Variants in SCN11A observed in about 807,000 individuals in gnomAD.
The protein encoded by SCN11A is sodium channel protein type 11 subunit alpha.
SCN11A carries 122 observed loss-of-function variants against 162.2 expected under a neutral mutation model. The ratio of observed to expected loss-of-function variants is 0.75; its 90% CI spans 0.65 to 0.87. The LOEUF (loss-of-function observed/expected upper bound fraction) is 0.87. SCN11A is among the 40% of genes least tolerant of loss of function. SCN11A has a pLI of 0.00. For missense variants in SCN11A, 2,015 were observed against 2,181.6 expected (o/e 0.92, Z 1.52); for synonymous variants, 758 against 751.5 (o/e 1.01, Z -0.14).
chr3:38,907,235 G>A (rs2065806617), intron 14 of SCN11A, among the ~76,000 whole-genome samples: 1 of 150,814 alleles, frequency 6.6e-6, no homozygotes, highest in African/African-American at 2.4e-5. Flanking sequence ...GAAATTAGAG[G>A]GAAATTATTG....
intron 2 of SCN11A, among the ~76,000 whole-genome samples, chr3:38,961,093 G>A (rs1329413277): frequency 6.6e-6 from 1 of 152,160 alleles, no homozygotes; most frequent in East Asian, 1.9e-4. Context: ...AGTCAGCTGA[G>A]ATAAAGGGTA....
chr3:38,998,565 C>T (rs2030712971), intron 2 of SCN11A, among the ~76,000 whole-genome samples: 1 of 151,968 alleles, frequency 6.6e-6, no homozygotes. Flanking sequence ...GGGTATATAC[C>T]CAAAGGATTA....
chr3:38,872,409 C>G, intron 23 of SCN11A, 115 bp from the exon 24 acceptor site: 1 of 625,944 alleles, frequency 1.6e-6, no homozygotes, highest in South Asian at 1.9e-5. Flanking sequence ...AATGCACTCA[C>G]GTTATTTGTT....
At chr3:38,900,852 T>C (rs2065688231) in intron 16 of SCN11A, among the ~76,000 whole-genome samples, 2 of 152,182 alleles carry the variant, frequency 1.3e-5, no homozygotes, top group Non-Finnish European at 2.9e-5. Context: ...TTTGTCTTTG[T>C]CTTCAATAAT....
At chr3:39,044,326 A>C (rs2032132901) in intron 1 of SCN11A, among the ~76,000 whole-genome samples, 1 of 152,208 alleles carries the variant, frequency 6.6e-6, no homozygotes, top group Non-Finnish European at 1.5e-5. Flanking sequence ...AATGGACCTA[A>C]CAGACATTTA....
At position 38,847,099 on chromosome 3, in the gene SCN11A, C is replaced by T. The variant is rs921146855; in HGVS notation, c.4971G>A (p.Leu1657=). 9.3e-6 allele frequency: 15 copies of T among 1,614,122 alleles called. No homozygotes were observed. Among genetic ancestry groups the T allele is most frequent in the South Asian group, 2.2e-5 (2 of 91,070 alleles). ...SDFADALPEP[L]RVAKPNKYQF... ...GATATTTATTTGGCTTTGCGACACG[C>T]AAAGGCTCAGGCAAGGCATCAGCAA... Residue 1657 remains leucine, a synonymous_variant, in exon 30 of 30, where the codon TTG becomes TTA. Transcript: ENST00000302328.
Position 39,051,901 on chromosome 3 carries a change from C to G in SCN11A, c.-444G>C, listed in dbSNP as rs1339375680. ...CCGGCCACACAGCAACTAACAGCAC[C>G]GAGGAAACACAACAGCCTGTTTACC... On this transcript the variant is annotated 5_prime_UTR_variant, in exon 1 of 30. Coordinates refer to ENST00000302328, the MANE Select transcript of SCN11A (RefSeq NM_001349253.2). 8 of 1,206,302 alleles carry G rather than the reference C, an allele frequency of 6.6e-6. No homozygotes were observed. The highest frequency in any genetic ancestry group is 9.6e-6 in the Non-Finnish European group (8 of 835,904). The allele number at this position is 1,206,302 out of a possible 1,614,324, so 74.7% of individuals were successfully genotyped here. A position where few individuals can be genotyped will look rare whatever the true frequency, so the allele number is the denominator to read the frequency against.
At chr3:38,969,009 C>T (rs1055812531) in intron 2 of SCN11A, among the ~76,000 whole-genome samples, 3 of 152,192 alleles carry the variant, frequency 2.0e-5, no homozygotes, top group Admixed American at 1.3e-4. Context: ...ATTCTTTATG[C>T]CCGTCACAGC....
chr3:38,883,084 C>A, intron 22 of SCN11A, 149 bp downstream of exon 22: 1 of 645,040 alleles, frequency 1.6e-6, no homozygotes, highest in Non-Finnish European at 2.6e-6. Flanking sequence ...AGAAGCTGTG[C>A]AAAACCCTGC....
chr3:38,988,553 T>C (rs2030342078), intron 2 of SCN11A, among the ~76,000 whole-genome samples: 1 of 152,116 alleles, frequency 6.6e-6, no homozygotes. Flanking sequence ...TCCCTGCCAT[T>C]GTTTCTGAAA....
intron 16 of SCN11A, among the ~76,000 whole-genome samples, 156 bp from the exon 17 acceptor site, chr3:38,900,229 T>G (rs1374434817): frequency 6.6e-6 from 1 of 152,194 alleles, no homozygotes; most frequent in African/African-American, 2.4e-5. Context: ...TATTTACTAT[T>G]GTAGCATGAA....
chr3:39,047,877 T>C (rs541789450), intron 1 of SCN11A, among the ~76,000 whole-genome samples: 1 of 152,144 alleles, frequency 6.6e-6, no homozygotes, highest in Non-Finnish European at 1.5e-5. Flanking sequence ...CAAAAACAAA[T>C]GCAGAGGGTG....
intron 1 of SCN11A, among the ~76,000 whole-genome samples, chr3:39,037,537 A>G (rs955162650): frequency 6.6e-6 from 1 of 152,206 alleles, no homozygotes; most frequent in Non-Finnish European, 1.5e-5. Flanking sequence ...GATACGCCAT[A>G]TACCCTGATG....
Position 38,894,867 on chromosome 3 carries a change from A to C in SCN11A, c.2501T>G (p.Leu834Ter), listed in dbSNP as rs1553637029. The stretch of plus-strand genomic sequence containing the variant: ...AGCCCGGCGGAATCGATCCAGTGCT[A>C]ACTGGACTTTAGTTTTCCTGGCCTC... Reference protein sequence around the residue: ...EGEARKTKVQLALDRFRRAFC... With the variant: ...EGEARKTKVQ The change falls in exon 19 of 30, where the codon TTA becomes TGA. Residue 834 changes from leucine to a stop codon, truncating the protein, a stop_gained. Transcript: ENST00000302328. LOFTEE classifies it high-confidence loss of function. 2 of 1,614,108 alleles carry C rather than the reference A, an allele frequency of 1.2e-6. No homozygotes were observed. Among genetic ancestry groups the C allele is most frequent in the Admixed American group, 1.7e-5 (1 of 60,034 alleles).
At chr3:38,896,361 C>A (rs1477513402) in intron 18 of SCN11A, among the ~76,000 whole-genome samples, 1 of 152,150 alleles carries the variant, frequency 6.6e-6, no homozygotes, top group African/African-American at 2.4e-5. Flanking sequence ...GATGTCAGAT[C>A]CATATTCCTG....
chr3:38,900,810 C>T (rs1483416471), intron 16 of SCN11A, among the ~76,000 whole-genome samples: 1 of 152,082 alleles, frequency 6.6e-6, no homozygotes, highest in Admixed American at 6.5e-5. Context: ...ACAAAAAGTA[C>T]TGAATTTTGT....
At chr3:38,886,065 T>A in intron 20 of SCN11A, 60 bp downstream of exon 20, 1 of 1,080,782 alleles carries the variant, frequency 9.3e-7, no homozygotes, top group Non-Finnish European at 1.4e-6. Flanking sequence ...ATAATAACTA[T>A]CCTGGAGAAG....
At chr3:39,028,122 C>A (rs928354826) in intron 2 of SCN11A, among the ~76,000 whole-genome samples, 11 of 152,196 alleles carry the variant, frequency 7.2e-5, no homozygotes, top group Non-Finnish European at 1.3e-4. Context: ...AACTAGCACT[C>A]TTGTGGCTCT....
Position 38,863,310 on chromosome 3 carries a change from A to T in SCN11A, c.3952-11T>A, listed in dbSNP as rs745865237. The T allele has an allele frequency of 5.1e-6, 7 of 1,383,666 alleles. No individual in the cohort carries two copies. The highest frequency in any genetic ancestry group is 6.1e-6 in the Non-Finnish European group (6 of 975,726). The allele number at this position is 1,383,666 out of a possible 1,614,324, so 85.7% of individuals were successfully genotyped here. ...GTCTTGGCCACCTAAGTATATGGAG[A>T]AGATAAGAGCTAATTACCTTTAACA... On this transcript the variant is annotated splice_polypyrimidine_tract_variant and intron_variant, in intron 27 of 29. Coordinates refer to ENST00000302328, the MANE Select transcript of SCN11A (RefSeq NM_001349253.2).
Sources: allele counts gnomAD v4.1 joint callset (sites outside exome capture counted in the v4.1 genomes callset), GRCh38; gene constraint gnomAD v4.1.1; transcripts MANE v1.5; gene names NCBI Gene and HGNC (gene_info 2026-07-23, HGNC 2026-07-21).